The following RARB variants were observed in gnomAD, a reference collection of about 807,000 sequenced individuals.
RARB encodes HBV-activated protein.
RARB carries 17 observed loss-of-function variants against 51.9 expected under a neutral mutation model. That is an observed-to-expected ratio of 0.33 (90% CI 0.22 to 0.49). RARB has a LOEUF of 0.49. RARB is among the 20% of genes least tolerant of loss of function. The probability of loss-of-function intolerance (pLI) is 0.99; values close to 1 mark genes in which losing one functional copy is unlikely to be tolerated. For missense variants in RARB, 369 were observed against 550.8 expected, an observed-to-expected ratio of 0.67 and a Z score of 3.30; for synonymous variants, 215 against 195.4, an observed-to-expected ratio of 1.10 and a Z score of -0.84.
chr3:25,433,019 T>G (rs1708269759), intron 1 of RARB, among the ~76,000 whole-genome samples: 1 of 152,224 alleles, frequency 6.6e-6, no homozygotes. Flanking sequence ...ATGACATTTT[T>G]ATACTTTAAA....
intron 1 of RARB, among the ~76,000 whole-genome samples, chr3:24,844,652 G>A (rs1173871377): frequency 6.6e-6 from 1 of 152,072 alleles, no homozygotes; most frequent in African/African-American, 2.4e-5. Context: ...CATGACCTTG[G>A]GCAAATCAAA....
intron 2 of RARB, among the ~76,000 whole-genome samples, chr3:25,045,606 A>C (rs1175535677): frequency 1.3e-5 from 2 of 152,232 alleles, no homozygotes; most frequent in Non-Finnish European, 2.9e-5. Context: ...GTACCAGAAC[A>C]ATGAGACATG....
intron 5 of RARB, among the ~76,000 whole-genome samples, chr3:25,417,446 C>T (rs571034503): frequency 1.3e-5 from 2 of 152,046 alleles, no homozygotes; most frequent in African/African-American, 4.8e-5. Context: ...CTGACTCCCC[C>T]CAAGGGACAT....
intron 2 of RARB, among the ~76,000 whole-genome samples, chr3:25,473,921 G>GA (rs533183147): frequency 1.8e-5 from 2 of 108,322 alleles, no homozygotes; most frequent in Non-Finnish European, 3.5e-5. Context: ...TGTCTGGCAG[G>GA]AAAAAAAAAA....
At chr3:25,495,612 T>G (rs1456250041) in intron 2 of RARB, among the ~76,000 whole-genome samples, 2 of 152,222 alleles carry the variant, frequency 1.3e-5, no homozygotes, top group African/African-American at 4.8e-5. Context: ...TTTTTCTTTT[T>G]CCTTTTTGGT....
intron 3 of RARB, among the ~76,000 whole-genome samples, chr3:25,098,004 A>G (rs1045272250): frequency 2.0e-5 from 3 of 152,244 alleles, no homozygotes; most frequent in South Asian, 2.1e-4. Context: ...ACCAGTCCAC[A>G]GTACCATGTG....
intron 5 of RARB, among the ~76,000 whole-genome samples, chr3:25,332,317 G>C (rs1209895883): frequency 3.9e-5 from 6 of 151,992 alleles, no homozygotes; most frequent in East Asian, 1.9e-4. Context: ...CATCAAAAAG[G>C]TTATCCACCA....
At chr3:24,979,076 T>G (rs1014285270) in intron 2 of RARB, among the ~76,000 whole-genome samples, 1 of 152,228 alleles carries the variant, frequency 6.6e-6, no homozygotes, top group Non-Finnish European at 1.5e-5. Flanking sequence ...GTGAGTTTCT[T>G]AATCCTGAGT....
chr3:25,139,426 G>C (rs1700077746), intron 4 of RARB, among the ~76,000 whole-genome samples: 1 of 152,196 alleles, frequency 6.6e-6, no homozygotes, highest in African/African-American at 2.4e-5. Context: ...GAAAGTTTTA[G>C]TGGTGTGGAT....
intron 2 of RARB, among the ~76,000 whole-genome samples, chr3:24,862,718 C>G (rs960177124): frequency 1.3e-5 from 2 of 152,002 alleles, no homozygotes; most frequent in East Asian, 1.9e-4. Context: ...GAATGTATGC[C>G]CCACGTATAA....
At chr3:24,905,012 G>C (rs141098663) in intron 2 of RARB, among the ~76,000 whole-genome samples, 1 of 152,288 alleles carries the variant, frequency 6.6e-6, no homozygotes, top group East Asian at 1.9e-4. Context: ...GGGAGGGATA[G>C]TATTAGGAAA....
intron 2 of RARB, among the ~76,000 whole-genome samples, chr3:24,975,623 G>A (rs190955795): frequency 1.3e-5 from 2 of 152,252 alleles, no homozygotes; most frequent in East Asian, 3.9e-4. Flanking sequence ...GTTCTATCCA[G>A]CAGTTTTATC....
chr3:25,340,061 A>G (rs1157031886), intron 5 of RARB, among the ~76,000 whole-genome samples: 1 of 152,164 alleles, frequency 6.6e-6, no homozygotes, highest in African/African-American at 2.4e-5. Flanking sequence ...AGCTATTGGT[A>G]CAGAGCATGT....
At chr3:24,981,145 G>A (rs1302316277) in intron 2 of RARB, among the ~76,000 whole-genome samples, 7 of 152,124 alleles carry the variant, frequency 4.6e-5, no homozygotes, top group African/African-American at 1.2e-4. Context: ...TGGAAGCTTC[G>A]TCCCAGAGAG....
At chr3:25,525,325 G>A (rs567734810) in intron 3 of RARB, among the ~76,000 whole-genome samples, 1 of 152,270 alleles carries the variant, frequency 6.6e-6, no homozygotes, top group African/African-American at 2.4e-5. Context: ...AGGACAGAAG[G>A]GGCAGAGAGA....
intron 5 of RARB, among the ~76,000 whole-genome samples, chr3:25,323,874 A>G (rs75648383): frequency 4.6e-5 from 7 of 152,190 alleles, no homozygotes; most frequent in Admixed American, 2.0e-4. Flanking sequence ...CTACAAGTTT[A>G]TCTCCCTTCT....
intron 4 of RARB, among the ~76,000 whole-genome samples, chr3:25,146,520 T>TTTTTTTTGTG (rs1227526988): frequency 6.8e-6 from 1 of 147,796 alleles, no homozygotes; most frequent in Admixed American, 6.8e-5. Flanking sequence ...TGTTTTTTTT[T>TTTTTTTTGTG]TTTTGAGACA....
chr3:25,448,643 T>G (rs1041135155), intron 1 of RARB, among the ~76,000 whole-genome samples: 2 of 152,062 alleles, frequency 1.3e-5, no homozygotes, highest in Non-Finnish European at 2.9e-5. Context: ...AATTTTGTAT[T>G]GTTAGTAGAG....
chr3:25,096,464 C>G (rs1163646924), intron 3 of RARB, among the ~76,000 whole-genome samples: 1 of 152,130 alleles, frequency 6.6e-6, no homozygotes, highest in Non-Finnish European at 1.5e-5. Context: ...TCATTAGTCA[C>G]CAATTCTAAG....
Sources: allele counts gnomAD v4.1 joint callset (sites outside exome capture counted in the v4.1 genomes callset), GRCh38; gene constraint gnomAD v4.1.1; transcripts MANE v1.5; gene names NCBI Gene and HGNC (gene_info 2026-07-23, HGNC 2026-07-21).